The following PTPRM variants were observed in gnomAD, a reference collection of about 807,000 sequenced individuals.
PTPRM encodes the protein protein tyrosine phosphatase receptor type M.
A neutral mutation model predicts 186.7 loss-of-function variants in PTPRM; 47 were observed. The ratio of observed to expected loss-of-function variants is 0.25; its 90% CI spans 0.20 to 0.32. PTPRM has a LOEUF of 0.32. PTPRM is among the 10% of genes least tolerant of loss of function. The pLI is 1.00. For missense variants in PTPRM, 1,494 were observed against 1,865.0 expected, an observed-to-expected ratio of 0.80 and a Z score of 3.66; for synonymous variants, 668 against 674.9, an observed-to-expected ratio of 0.99 and a Z score of 0.16.
intron 7 of PTPRM, among the ~76,000 whole-genome samples, chr18:8,049,015 C>A (rs2087273993): frequency 1.3e-5 from 2 of 152,144 alleles, no homozygotes; most frequent in Non-Finnish European, 2.9e-5. Flanking sequence ...AAGGTCAAAA[C>A]CCATTCCAAA....
At chr18:8,114,749 A>T in intron 12 of PTPRM, 42 bp from the exon 13 acceptor site, 1 of 1,516,596 alleles carries the variant, frequency 6.6e-7, no homozygotes, top group Non-Finnish European at 9.1e-7. Flanking sequence ...TGTCTTAAAG[A>T]AAACATGAAT....
chr18:8,173,142 A>G (rs2093429750), intron 14 of PTPRM, among the ~76,000 whole-genome samples: 1 of 152,160 alleles, frequency 6.6e-6, no homozygotes, highest in South Asian at 2.1e-4. Context: ...GGAACCATTA[A>G]CCATGTACCT....
intron 1 of PTPRM, among the ~76,000 whole-genome samples, chr18:7,694,263 A>C (rs969739630): frequency 3.3e-5 from 5 of 152,156 alleles, no homozygotes; most frequent in Non-Finnish European, 5.9e-5. Flanking sequence ...CATGTGTCTC[A>C]TGTTTCTAAG....
intron 1 of PTPRM, among the ~76,000 whole-genome samples, chr18:7,608,142 C>T (rs1027941850): frequency 2.6e-5 from 4 of 152,186 alleles, no homozygotes; most frequent in African/African-American, 7.2e-5. Flanking sequence ...CGAACAACTC[C>T]TTTCTTTCTG....
At chr18:7,839,221 C>T (rs1020736406) in intron 2 of PTPRM, among the ~76,000 whole-genome samples, 2 of 152,226 alleles carry the variant, frequency 1.3e-5, no homozygotes, top group South Asian at 4.1e-4. Context: ...ACAAAGCCCT[C>T]TTCATTTTTT....
chr18:7,916,294 C>G (rs2050551520), intron 4 of PTPRM, among the ~76,000 whole-genome samples: 1 of 152,132 alleles, frequency 6.6e-6, no homozygotes, highest in Admixed American at 6.5e-5. Context: ...ACTGGGCGTA[C>G]CATAGATGAA....
At chr18:7,675,364 A>G (rs1049099551) in intron 1 of PTPRM, among the ~76,000 whole-genome samples, 3 of 152,184 alleles carry the variant, frequency 2.0e-5, no homozygotes, top group East Asian at 1.9e-4. Context: ...TTTTTAAGGG[A>G]AAGATGAATA....
At chr18:8,314,454 A>G (rs1378453538) in intron 20 of PTPRM, among the ~76,000 whole-genome samples, 1 of 152,206 alleles carries the variant, frequency 6.6e-6, no homozygotes, top group Non-Finnish European at 1.5e-5. Context: ...GATTTAGTGA[A>G]GTTGCTCAAA....
chr18:7,660,073 G>T (rs1270474299), intron 1 of PTPRM, among the ~76,000 whole-genome samples: 1 of 152,138 alleles, frequency 6.6e-6, no homozygotes, highest in Admixed American at 6.5e-5. Flanking sequence ...GGGTGCAGTG[G>T]CTCACACCTG....
intron 12 of PTPRM, among the ~76,000 whole-genome samples, 187 bp downstream of exon 12, chr18:8,113,946 CTT>C (rs35576891): frequency 6.8e-6 from 1 of 146,672 alleles, no homozygotes. Flanking sequence ...ATATACTCAT[CTT>C]TTTTTTTTTT....
At chr18:8,211,757 G>A (rs1037968777) in intron 14 of PTPRM, among the ~76,000 whole-genome samples, 32 of 152,152 alleles carry the variant, frequency 2.1e-4, no homozygotes, top group African/African-American at 7.5e-4. Context: ...AAGGTCATCA[G>A]CTGAGAGTGA....
At chr18:8,328,919 C>T (rs970028328) in intron 22 of PTPRM, among the ~76,000 whole-genome samples, 1 of 152,176 alleles carries the variant, frequency 6.6e-6, no homozygotes, top group Non-Finnish European at 1.5e-5. Context: ...TCTAAATAAA[C>T]TTGCTCATTA....
intron 24 of PTPRM, among the ~76,000 whole-genome samples, chr18:8,373,991 G>A (rs2095680134): frequency 6.6e-6 from 1 of 152,022 alleles, no homozygotes; most frequent in Non-Finnish European, 1.5e-5. Flanking sequence ...GGAGGTATTT[G>A]GGCTGTGATA....
chr18:8,067,613 T>C (rs2148421817), intron 7 of PTPRM, among the ~76,000 whole-genome samples: 1 of 152,340 alleles, frequency 6.6e-6, no homozygotes, highest in East Asian at 1.9e-4. Context: ...TATTCCATTT[T>C]AAACATTTTC....
chr18:8,376,712 ACCTGGC>A, intron 26 of PTPRM, 115 bp downstream of exon 26: 1 of 1,281,208 alleles, frequency 7.8e-7, no homozygotes, highest in Admixed American at 2.7e-5. Flanking sequence ...CAAGTGATCT[ACCTGGC>A]ATTCCCTGTT....
intron 1 of PTPRM, among the ~76,000 whole-genome samples, chr18:7,607,095 A>G (rs1567979675): frequency 6.6e-6 from 1 of 152,010 alleles, no homozygotes; most frequent in Non-Finnish European, 1.5e-5. Context: ...AGAAAGGTGG[A>G]GAAGGAATTG....
In PTPRM at chr18:7,834,992, CT is replaced by C. The variant is rs57839485; in HGVS notation, c.197-53092del. ...CATGTTTGATGTTATTTATTTGGAT[CT>C]TTTTTTTTTTTTTTTTTTTTTAGTC... is the stretch of plus-strand genomic sequence containing the variant. On this transcript the variant is annotated intron_variant, in intron 2 of 32. Coordinates refer to ENST00000580170, the MANE Select transcript of PTPRM (RefSeq NM_001105244.2). Among the ~76,000 whole-genome samples, 753 of 85,222 alleles carry C rather than the reference CT, an allele frequency of 8.8e-3. 1 individual carries two copies. Among genetic ancestry groups the C allele is most frequent in the African/African-American group, 0.02 (439 of 22,266 alleles). 55.9% of individuals were successfully genotyped at this position (85,222 alleles called of 152,430 possible). A position where few individuals can be genotyped will look rare whatever the true frequency, so the allele number is the denominator to read the frequency against.
intron 1 of PTPRM, among the ~76,000 whole-genome samples, chr18:7,735,843 ATT>A (rs35328733): frequency 8.5e-5 from 12 of 141,494 alleles, no homozygotes; most frequent in South Asian, 2.3e-4. Flanking sequence ...AAAGTCAAGC[ATT>A]TTTTTTTTTT....
intron 14 of PTPRM, among the ~76,000 whole-genome samples, chr18:8,205,002 T>C (rs533428274): frequency 1.2e-4 from 19 of 152,322 alleles, no homozygotes; most frequent in African/African-American, 4.3e-4. Flanking sequence ...GCTTAGATTT[T>C]CTTTATTGCG....
Sources: gnomAD v4.1 joint callset for allele counts (sites outside exome capture counted in the v4.1 genomes callset) on GRCh38, gnomAD v4.1.1 for gene constraint, MANE v1.5 for transcripts, NCBI Gene and HGNC (gene_info 2026-07-23, HGNC 2026-07-21) for gene names.